Variants in MLF1 observed in about 807,000 individuals in gnomAD.
MLF1 encodes the protein myeloid leukemia factor 1, also known as myelodysplasia-myeloid leukemia factor 1.
Under a neutral mutation model 38.3 loss-of-function variants are expected in MLF1, and 37 were observed. The observed-to-expected ratio is 0.96, with a 90% CI of 0.74 to 1.27. The LOEUF is 1.27. MLF1 is among the 50% of genes most tolerant of loss of function. The probability of loss-of-function intolerance (pLI) is 0.00; values close to 1 mark genes in which losing one functional copy is unlikely to be tolerated. For missense variants in MLF1, 331 were observed against 349.2 expected, an observed-to-expected ratio of 0.95 and a Z score of 0.42; for synonymous variants, 95 against 106.5, an observed-to-expected ratio of 0.89 and a Z score of 0.66.
chr3:158,583,040 CTT>C lies in MLF1; in HGVS notation c.48-9393_48-9392del, dbSNP rs1033412800. On this transcript the variant is annotated intron_variant, in intron 1 of 7. Transcript: ENST00000466246. The stretch of plus-strand genomic sequence containing the variant: ...TAATGGATTGAATGCCAATCTACCT[CTT>C]ATATTCTTCTCCTTCCCTTTCCCCC... The C allele has an allele frequency of 7.6e-6, 4 of 527,208 alleles. No individual in the cohort carries two copies. In the African/African-American group the frequency reaches 7.9e-5, roughly 10 times the overall value. 32.7% of individuals were successfully genotyped at this position (527,208 alleles called of 1,614,324 possible). A position where few individuals can be genotyped will look rare whatever the true frequency, so the allele number is the denominator to read the frequency against.
chr3:158,592,963 A>G (rs1305472194), intron 2 of MLF1, among the ~76,000 whole-genome samples: 2 of 152,116 alleles, frequency 1.3e-5, no homozygotes, highest in Non-Finnish European at 2.9e-5. Context: ...ATCAAAAGCT[A>G]CAAAGGATTG....
intron 1 of MLF1, among the ~76,000 whole-genome samples, chr3:158,582,115 G>A (rs946277787): frequency 6.6e-6 from 1 of 152,170 alleles, no homozygotes; most frequent in African/African-American, 2.4e-5. Context: ...AGGAGGTGGA[G>A]GTTGCAGTGA....
intron 1 of MLF1, among the ~76,000 whole-genome samples, chr3:158,581,259 T>C (rs974015906): frequency 2.6e-5 from 4 of 152,126 alleles, no homozygotes; most frequent in African/African-American, 9.7e-5. Flanking sequence ...TTTTGTGAGT[T>C]TTACCTCCAG....
At chr3:158,603,017 G>C (rs570041604) in intron 7 of MLF1, 78 bp downstream of exon 7, 165 of 1,332,524 alleles carry the variant, frequency 1.2e-4, no homozygotes, top group Non-Finnish European at 1.6e-4. Context: ...TCTGTTATCA[G>C]AAAGTTTTGA....
intron 6 of MLF1, among the ~76,000 whole-genome samples, 158 bp from the exon 7 acceptor site, chr3:158,602,648 AC>A (rs1719965855): frequency 6.6e-6 from 1 of 152,186 alleles, no homozygotes; most frequent in African/African-American, 2.4e-5. Flanking sequence ...AACAAATACT[AC>A]TTTTGTCAAA....
At position 158,581,324 on chromosome 3, in the gene MLF1, G is replaced by GC. The variant is rs546083047; in HGVS notation, c.47+9978dup. Among the ~76,000 whole-genome samples, 73 of 152,310 alleles carry GC rather than the reference G, an allele frequency of 4.8e-4. No homozygotes were observed. In the South Asian group the frequency reaches 0.012, roughly 25 times the overall value. On this transcript the variant is annotated intron_variant, in intron 1 of 7. Transcript: ENST00000466246. ...TGGAAAAAATCTTCTCATGCTTCCA[G>GC]CAGAAGAGAGGGGTGGAAAGTAACC...
intron 1 of MLF1, among the ~76,000 whole-genome samples, chr3:158,574,523 A>AAAAAAAAAAAAAAAAC (rs1553830589): frequency 1.7e-5 from 2 of 115,754 alleles, no homozygotes; most frequent in African/African-American, 2.9e-5. Flanking sequence ...AAAAAAAAAA[A>AAAAAAAAAAAAAAAAC]AAAATACAAA....
At chr3:158,578,669 A>G (rs1423076994) in intron 1 of MLF1, among the ~76,000 whole-genome samples, 1 of 152,146 alleles carries the variant, frequency 6.6e-6, no homozygotes, top group Admixed American at 6.5e-5. Context: ...AATATAGAAT[A>G]GAAAAAGTAC....
At chr3:158,574,833 A>G (rs867739875) in intron 1 of MLF1, among the ~76,000 whole-genome samples, 2 of 152,196 alleles carry the variant, frequency 1.3e-5, no homozygotes, top group East Asian at 3.8e-4. Context: ...AGTCATTCAT[A>G]TGTAAATATG....
At chr3:158,597,928 C>T in intron 4 of MLF1, 152 bp from the exon 5 acceptor site, 1 of 840,866 alleles carries the variant, frequency 1.2e-6, no homozygotes, top group Non-Finnish European at 1.8e-6. Flanking sequence ...AGTCACTTCT[C>T]ACTTGAGAAC....
At chr3:158,579,714 A>G (rs1716036802) in intron 1 of MLF1, among the ~76,000 whole-genome samples, 1 of 152,104 alleles carries the variant, frequency 6.6e-6, no homozygotes, top group Non-Finnish European at 1.5e-5. Context: ...GCTGTTTAGC[A>G]CTCCCTTATT....
chr3:158,583,417 T>C (rs1716715617), intron 1 of MLF1, among the ~76,000 whole-genome samples: 1 of 152,076 alleles, frequency 6.6e-6, no homozygotes, highest in Non-Finnish European at 1.5e-5. Context: ...ACAGTAAATG[T>C]TGTTTAAAAA....
At chr3:158,592,680 ATAT>A in intron 2 of MLF1, 99 bp downstream of exon 2, 5 of 1,005,140 alleles carry the variant, frequency 5.0e-6, no homozygotes, top group Non-Finnish European at 7.1e-6. Flanking sequence ...GATATGACTA[ATAT>A]TCTTGTTCTA....
intron 6 of MLF1, among the ~76,000 whole-genome samples, chr3:158,600,682 T>A (rs1719622135): frequency 6.6e-6 from 1 of 151,536 alleles, no homozygotes; most frequent in Admixed American, 6.6e-5. Context: ...GATGCTATTT[T>A]TCAAAAGCAT....
chr3:158,594,053 A>G (rs979889046), intron 3 of MLF1, among the ~76,000 whole-genome samples: 2 of 151,990 alleles, frequency 1.3e-5, no homozygotes, highest in Admixed American at 1.3e-4. Context: ...TTTTTTAATT[A>G]TTTTGTGCTA....
intron 3 of MLF1, among the ~76,000 whole-genome samples, chr3:158,594,520 T>TA (rs1241147740): frequency 6.6e-6 from 1 of 152,180 alleles, no homozygotes; most frequent in Middle Eastern, 3.2e-3. Flanking sequence ...AGTGATGACT[T>TA]ACGTCAAAGT....
intron 1 of MLF1, among the ~76,000 whole-genome samples, chr3:158,575,941 G>T (rs548652753): frequency 3.0e-4 from 45 of 152,170 alleles, no homozygotes; most frequent in East Asian, 1.9e-4. Flanking sequence ...GGACAAAAAT[G>T]TATACTTCTT....
intron 1 of MLF1, among the ~76,000 whole-genome samples, chr3:158,583,130 T>G (rs1312504610): frequency 6.6e-6 from 1 of 152,210 alleles, no homozygotes; most frequent in Non-Finnish European, 1.5e-5. Context: ...TCTTTTCTCC[T>G]TTGTGTTGCT....
At position 158,591,082 on chromosome 3, in the gene MLF1, C is replaced by T. The variant is rs1363864457; in HGVS notation, c.48-1352C>T. The T allele has an allele frequency of 5.9e-6, 3 of 511,170 alleles. 1 individual carries two copies. Among genetic ancestry groups the T allele is most frequent in the South Asian group, 2.9e-5 (2 of 70,114 alleles). 31.7% of individuals were successfully genotyped at this position (511,170 alleles called of 1,614,324 possible). ...AGAGGAAAAGCTCTTTCTACTTGGA[C>T]TTATGAGCAGAAGACAGAATTTTTG... is the stretch of plus-strand genomic sequence containing the variant. On this transcript the variant is annotated intron_variant, in intron 1 of 7. Transcript: ENST00000466246.
Sources: gnomAD v4.1 joint callset for allele counts (sites outside exome capture counted in the v4.1 genomes callset) on GRCh38, gnomAD v4.1.1 for gene constraint, MANE v1.5 for transcripts, NCBI Gene and HGNC (gene_info 2026-07-23, HGNC 2026-07-21) for gene names.